PTPN23: variants seen among roughly 807,000 people sequenced by gnomAD.
PTPN23 encodes tyrosine-protein phosphatase non-receptor type 23.
PTPN23 carries 72 observed loss-of-function variants against 156.3 expected under a neutral mutation model. That is an observed-to-expected ratio of 0.46 (90% confidence interval 0.38 to 0.56). The LOEUF (loss-of-function observed/expected upper bound fraction) is 0.56, where lower values mean the gene tolerates loss of function less well. Ranked by LOEUF, PTPN23 falls within the 20% of genes least tolerant of loss-of-function variation. The pLI is 0.00. For synonymous variants in PTPN23, 957 were observed against 899.6 expected, an observed-to-expected ratio of 1.06 and a Z score of -1.14; for missense variants, 1,974 against 2,171.5, an observed-to-expected ratio of 0.91 and a Z score of 1.81.
At position 47,411,322 on chromosome 3, in the gene PTPN23, A is replaced by G. The variant is rs1276132033; in HGVS notation, c.3524A>G (p.Gln1175Arg). 1 of 1,612,782 alleles carries G rather than the reference A, an allele frequency of 6.2e-7. No individual in the cohort carries two copies. The highest frequency in any genetic ancestry group is 8.5e-7 in the Non-Finnish European group (1 of 1,179,972). The change falls in exon 20 of 25, where the codon CAG becomes CGG. Residue 1175 changes from glutamine (Q) to arginine (R), a missense_variant. Physicochemically the swap from Gln to Arg is conservative, Grantham distance 43. This residue lies in a region of PTPN23 where 731 missense variants were observed against 669.1 expected (regional missense o/e 1.09). Transcript: ENST00000265562. This position sits in a 1 kb window ranked among gnomAD's most constrained non-coding sequence, Gnocchi z 6.3. ...YEHPERLRQL[Q>R]QELEAFRGQL... The stretch of plus-strand genomic sequence containing the variant: ...CATCCTGAGAGGCTGCGGCAGTTGC[A>G]GCAGGAGCTGGAGGCCTTTCGGGGT...
intron 1 of PTPN23, among the ~76,000 whole-genome samples, chr3:47,385,367 G>T (rs1338783703): frequency 6.6e-6 from 1 of 152,020 alleles, no homozygotes; most frequent in Non-Finnish European, 1.5e-5. Flanking sequence ...CCAGCCCTGG[G>T]TACAGTGGTG....
In PTPN23 at chr3:47,394,885, G is replaced by T. The variant is rs563877644; in HGVS notation, c.85-1258G>T. 2.0e-5 allele frequency among the ~76,000 whole-genome samples: 3 copies of T among 152,258 alleles called. No individual in the cohort carries two copies. In the South Asian group the frequency reaches 6.2e-4, roughly 32 times the overall value. On this transcript the variant is annotated intron_variant, in intron 1 of 24. Transcript: ENST00000265562. ...CAATTCTGGCCACTTGGTAAGGGAC[G>T]GATTTGAAGGGGTGGGTTGTCCAGG...
At chr3:47,408,598 C>T in intron 15 of PTPN23, 108 bp downstream of exon 15, 1 of 1,484,024 alleles carries the variant, frequency 6.7e-7, no homozygotes, top group Non-Finnish European at 9.1e-7. Context: ...CCTCTAGGCC[C>T]TGGCTTGGGC....
chr3:47,408,517 G>A (rs768374721), intron 15 of PTPN23, 27 bp downstream of exon 15: 207 of 1,594,742 alleles, frequency 1.3e-4, no homozygotes, highest in Non-Finnish European at 1.7e-4. Flanking sequence ...GCAAGCAGGT[G>A]GAAGGGAGTG....
chr3:47,410,055 G>A lies in PTPN23; in HGVS notation c.2257G>A (p.Val753Met), dbSNP rs200140189. 110 of 1,611,562 alleles carry A rather than the reference G, an allele frequency of 6.8e-5. No individual in the cohort carries two copies. Among genetic ancestry groups the A allele is most frequent in the African/African-American group, 9.4e-5 (7 of 74,862 alleles). The change falls in exon 20 of 25, where the codon GTG (valine) becomes ATG (methionine). Residue 753 changes from valine (V) to methionine (M), a missense_variant. Physicochemically the swap from Val to Met is conservative, Grantham distance 21. Around this residue, in one of 4 missense-constraint regions of PTPN23, gnomAD observed 731 missense variants for 669.1 expected, o/e 1.09. Transcript: ENST00000265562. ...GCTGCGCAGCCTCCCCCCTGACATGGTGGCTGGCCCACGACTGCCTGACAC... is the reference window on the plus strand; with the variant it reads ...GCTGCGCAGCCTCCCCCCTGACATGATGGCTGGCCCACGACTGCCTGACAC... Reference protein sequence around the residue: ...EELRSLPPDMVAGPRLPDTFL... With the variant: ...EELRSLPPDMMAGPRLPDTFL...
chr3:47,410,705 T>A lies in PTPN23; in HGVS notation c.2907T>A (p.Pro969=), dbSNP rs1450641019. 3.2e-6 allele frequency: 5 copies of A among 1,580,964 alleles called. No individual in the cohort carries two copies. Among genetic ancestry groups the A allele is most frequent in the Non-Finnish European group, 4.3e-6 (5 of 1,168,374 alleles). Residue 969 remains proline (P), a synonymous_variant, in exon 20 of 25, where the codon CCT becomes CCA. Coordinates refer to ENST00000265562, the MANE Select transcript of PTPN23 (RefSeq NM_015466.4). ...CCCATCCTTCACAAGCGTTTGGGCC[T>A]CAGCCCCCACAGCAGCCCCTTCCAC... ...PQPHPSQAFG[P]QPPQQPLPLQ...
In PTPN23 at chr3:47,413,267, G is replaced by A; in HGVS notation, c.*82G>A. The A allele has an allele frequency of 6.6e-7, 1 of 1,516,392 alleles. No homozygotes were observed. Among genetic ancestry groups the A allele is most frequent in the South Asian group, 1.3e-5 (1 of 79,084 alleles). The allele number at this position is 1,516,392 out of a possible 1,614,324, so 93.9% of individuals were successfully genotyped here. A position where few individuals can be genotyped will look rare whatever the true frequency, so the allele number is the denominator to read the frequency against. ...CCCACACCCAGCAGAGCTTCTCAGTGGGCACAGTCTCTTACTCCCATTTCT... is the reference window on the plus strand; with the variant it reads ...CCCACACCCAGCAGAGCTTCTCAGTAGGCACAGTCTCTTACTCCCATTTCT... On this transcript the variant is annotated 3_prime_UTR_variant, in exon 25 of 25. Coordinates refer to ENST00000265562, the MANE Select transcript of PTPN23 (RefSeq NM_015466.4).
rs780215762 is a variant in PTPN23, at chr3:47,406,012, G to C, written c.512G>C (p.Arg171Pro). ...FPQAYSVDMS[R>P]QILTLNVNLM... ...CAAGCCTACAGCGTCGACATGAGCC[G>C]CCAGATCCTTACGCTCAACGTCAAC... Residue 171 changes from arginine to proline, a missense_variant, in exon 6 of 25, where the codon CGC becomes CCC. Transcript: ENST00000265562. This position sits in a 1 kb window ranked among gnomAD's most constrained non-coding sequence, Gnocchi z 5.8. The C allele has an allele frequency of 6.2e-7, 1 of 1,613,384 alleles. No homozygotes were observed. Among genetic ancestry groups the C allele is most frequent in the Non-Finnish European group, 8.5e-7 (1 of 1,179,814 alleles).
At chr3:47,403,787 C>T (rs1444927692) in intron 2 of PTPN23, among the ~76,000 whole-genome samples, 1 of 152,152 alleles carries the variant, frequency 6.6e-6, no homozygotes, top group Non-Finnish European at 1.5e-5. Context: ...CCTTGGCCTC[C>T]CAAAATGCTG....
In PTPN23 at chr3:47,409,803, C is replaced by T. The variant is rs547301372; in HGVS notation, c.2098C>T (p.Arg700Cys). 13 of 1,609,212 alleles carry T rather than the reference C, an allele frequency of 8.1e-6. No homozygotes were observed. The highest frequency in any genetic ancestry group is 1.1e-5 in the South Asian group (1 of 90,704). Reference protein sequence around the residue: ...LERTQSTCQAREAARQQLLDR... With the variant: ...LERTQSTCQACEAARQQLLDR... ...GCGCACGCAGTCCACCTGCCAGGCC[C>T]GCGAGGCTGCCCGCCAGCAGCTCCT... The change falls in exon 19 of 25, where the codon CGC becomes TGC. Residue 700 changes from arginine (R) to cysteine (C), a missense_variant. Arg to Cys is a radical substitution (Grantham distance 180, BLOSUM62 -3). Coordinates refer to ENST00000265562, the MANE Select transcript of PTPN23 (RefSeq NM_015466.4).
At chr3:47,385,522 CA>C (rs1177795864) in intron 1 of PTPN23, among the ~76,000 whole-genome samples, 1 of 152,046 alleles carries the variant, frequency 6.6e-6, no homozygotes, top group Non-Finnish European at 1.5e-5. Flanking sequence ...ACTAAAAATA[CA>C]AAAATTAGCT....
intron 2 of PTPN23, among the ~76,000 whole-genome samples, chr3:47,400,890 T>G (rs1444942529): frequency 2.0e-5 from 3 of 151,070 alleles, no homozygotes; most frequent in South Asian, 4.2e-4. Flanking sequence ...TTATTTTATT[T>G]TATTTATTTT....
chr3:47,388,767 C>T (rs1299668196), intron 1 of PTPN23, among the ~76,000 whole-genome samples: 3 of 150,504 alleles, frequency 2.0e-5, no homozygotes, highest in African/African-American at 7.3e-5. Flanking sequence ...CGTGTTCAAG[C>T]GTTTCTACTG....
chr3:47,396,257 G>A (rs1323826486), intron 2 of PTPN23, 40 bp downstream of exon 2: 3 of 1,543,048 alleles, frequency 1.9e-6, no homozygotes, highest in Non-Finnish European at 2.7e-6. Flanking sequence ...TGGGTAGACA[G>A]GATTGGTTTG....
intron 1 of PTPN23, among the ~76,000 whole-genome samples, chr3:47,386,920 G>A (rs1013468372): frequency 2.0e-5 from 3 of 152,176 alleles, no homozygotes; most frequent in Admixed American, 2.0e-4. Flanking sequence ...CTTTACTCAG[G>A]ACGTAATAAA....
Position 47,407,714 on chromosome 3 carries a change from C to A in PTPN23, c.1021C>A (p.Pro341Thr), listed in dbSNP as rs370594347. The change falls in exon 13 of 25, where the codon CCC (proline) becomes ACC (threonine). Residue 341 changes from proline (P) to threonine (T), a missense_variant. Around this residue, in one of 4 missense-constraint regions of PTPN23, gnomAD observed 726 missense variants for 929.5 expected, o/e 0.78. Coordinates refer to ENST00000265562, the MANE Select transcript of PTPN23 (RefSeq NM_015466.4). The surrounding 1 kb of genome is among the most constrained non-coding windows in gnomAD (Gnocchi z 4.0). ...QPVKGAPLVK[P>T]LPVNPTDPAV... ...CCCCCCAGGAGCCCCCTTGGTGAAGCCCTTGCCAGTGAACCCCACAGACCC... is the reference window on the plus strand; with the variant it reads ...CCCCCCAGGAGCCCCCTTGGTGAAGACCTTGCCAGTGAACCCCACAGACCC... 1.5e-4 allele frequency: 249 copies of A among 1,613,756 alleles called. No homozygotes were observed. The highest frequency in any genetic ancestry group is 2.0e-4 in the Non-Finnish European group (238 of 1,179,870).
chr3:47,384,775 T>C (rs1293987412), intron 1 of PTPN23, among the ~76,000 whole-genome samples: 1 of 152,140 alleles, frequency 6.6e-6, no homozygotes, highest in Non-Finnish European at 1.5e-5. Flanking sequence ...ATTTTTTTTT[T>C]TTTTTAGATG....
In PTPN23 at chr3:47,409,925, C is replaced by T; in HGVS notation, c.2130-3C>T. On this transcript the variant is annotated splice_region_variant and splice_polypyrimidine_tract_variant and intron_variant, in intron 19 of 24. Coordinates refer to ENST00000265562, the MANE Select transcript of PTPN23 (RefSeq NM_015466.4). ...CCCCACTTTTTCCTTGCCTGTCGCA[C>T]AGGGAGCTGAAGAAGAAGCCGCCGC... 5.7e-6 allele frequency: 9 copies of T among 1,570,074 alleles called. No homozygotes were observed. Among genetic ancestry groups the T allele is most frequent in the Non-Finnish European group, 7.8e-6 (9 of 1,158,908 alleles).
chr3:47,409,479 G>A lies in PTPN23; in HGVS notation c.1860G>A (p.Leu620=), dbSNP rs770578343. The A allele has an allele frequency of 6.2e-7, 1 of 1,614,152 alleles. No individual in the cohort carries two copies. Among genetic ancestry groups the A allele is most frequent in the Non-Finnish European group, 8.5e-7 (1 of 1,180,018 alleles). Residue 620 remains leucine (L), a synonymous_variant, in exon 18 of 25, where the codon CTG becomes CTA. Coordinates refer to ENST00000265562, the MANE Select transcript of PTPN23 (RefSeq NM_015466.4). ...DQLKVYLEQN[L]AAQDRVLCAL... is the part of the protein sequence containing the mutation. ...TGAAGGTGTACCTGGAGCAGAACCT[G>A]GCCGCCCAGGACCGTGTCCTCTGTG...
Sources: gnomAD v4.1 joint callset for allele counts (sites outside exome capture counted in the v4.1 genomes callset) on GRCh38, gnomAD v4.1.1 for gene constraint, gnomAD v4.1.1 regional missense constraint, Gnocchi (gnomAD v3.1) non-coding constraint, MANE v1.5 for transcripts, NCBI Gene and HGNC (gene_info 2026-07-23, HGNC 2026-07-21) for gene names.